MAP3K13: variants seen among roughly 807,000 people sequenced by gnomAD.
MAP3K13 encodes the protein mitogen-activated protein kinase kinase kinase 13.
MAP3K13 carries 52 observed loss-of-function variants against 104.0 expected under a neutral mutation model. That is an observed-to-expected ratio of 0.50 (90% confidence interval 0.40 to 0.63). The LOEUF is 0.63. Among genes scored for constraint, MAP3K13 ranks in the 20% least tolerant of loss-of-function variants. The pLI is 0.00. For synonymous variants in MAP3K13, 394 were observed against 442.2 expected (o/e 0.89, Z 1.37); for missense variants, 914 against 1,218.5 (o/e 0.75, Z 3.72).
At chr3:185,355,101 G>A (rs1208997748) in intron 2 of MAP3K13, among the ~76,000 whole-genome samples, 1 of 152,146 alleles carries the variant, frequency 6.6e-6, no homozygotes, top group African/African-American at 2.4e-5. Flanking sequence ...TACAAAGAAT[G>A]TCTAGGACCA....
At chr3:185,335,803 C>T (rs1401937805) in intron 2 of MAP3K13, among the ~76,000 whole-genome samples, 1 of 151,912 alleles carries the variant, frequency 6.6e-6, no homozygotes, top group East Asian at 1.9e-4. Flanking sequence ...AATTTTTTCC[C>T]CAAATATTTT....
intron 1 of MAP3K13, among the ~76,000 whole-genome samples, chr3:185,397,185 G>A (rs1179839730): frequency 1.3e-5 from 2 of 152,190 alleles, no homozygotes; most frequent in Non-Finnish European, 2.9e-5. Context: ...CCCACATTGA[G>A]CATTTCCAGT....
At chr3:185,372,729 A>G (rs1295019850) in intron 1 of MAP3K13, among the ~76,000 whole-genome samples, 1 of 152,088 alleles carries the variant, frequency 6.6e-6, no homozygotes, top group Non-Finnish European at 1.5e-5. Context: ...TCTGCTAACT[A>G]TTTAATAGGC....
At chr3:185,300,189 C>CTTTTT (rs1273008667) in intron 2 of MAP3K13, among the ~76,000 whole-genome samples, 30 of 123,398 alleles carry the variant, frequency 2.4e-4, no homozygotes, top group Non-Finnish European at 3.2e-4. Context: ...TCCTTCTTTT[C>CTTTTT]TTTTTTTTTT....
intron 1 of MAP3K13, among the ~76,000 whole-genome samples, chr3:185,284,647 G>GGAGGTTGCAGGAGCA (rs1298817465): frequency 6.6e-6 from 1 of 152,044 alleles, no homozygotes; most frequent in Admixed American, 6.6e-5. Context: ...GCCGGGAGGG[G>GGAGGTTGCAGGAGCA]GAGGTTGCAG....
At chr3:185,475,850 C>CAATA (rs976749800) in intron 11 of MAP3K13, among the ~76,000 whole-genome samples, 3 of 152,112 alleles carry the variant, frequency 2.0e-5, no homozygotes, top group Admixed American at 2.0e-4. Context: ...GACTCTGTCT[C>CAATA]AATAAATAAA....
intron 5 of MAP3K13, 29 bp downstream of exon 5, chr3:185,447,976 A>G: frequency 6.3e-7 from 1 of 1,589,728 alleles, no homozygotes; most frequent in Non-Finnish European, 8.6e-7. Context: ...TGTGCCAACT[A>G]AAAAGCCTTT....
intron 7 of MAP3K13, among the ~76,000 whole-genome samples, chr3:185,455,464 TGA>T (rs1363247453): frequency 2.6e-5 from 3 of 117,162 alleles, no homozygotes; most frequent in African/African-American, 6.7e-5. Context: ...ATCATATATA[TGA>T]GATATATACA....
intron 7 of MAP3K13, among the ~76,000 whole-genome samples, chr3:185,457,244 A>AAGGAGAGGAGAGAAC (rs1377278094): frequency 1.3e-5 from 2 of 152,222 alleles, no homozygotes; most frequent in Non-Finnish European, 2.9e-5. Flanking sequence ...TAGGAAAGAA[A>AAGGAGAGGAGAGAAC]AGGAGAGGAG....
intron 1 of MAP3K13, among the ~76,000 whole-genome samples, chr3:185,390,997 C>T (rs1712019590): frequency 6.6e-6 from 1 of 152,156 alleles, no homozygotes. Flanking sequence ...ATACCAATAG[C>T]TGCCAGTTAC....
chr3:185,324,943 AAGCTGT>A (rs1721997097), intron 2 of MAP3K13, among the ~76,000 whole-genome samples: 1 of 152,224 alleles, frequency 6.6e-6, no homozygotes, highest in Non-Finnish European at 1.5e-5. Flanking sequence ...ACAAAAATAT[AAGCTGT>A]ATGAGAATAG....
rs987159590 is a variant in MAP3K13 at position 185,441,934 on chromosome 3, G to A, written c.660-1511G>A. 3.9e-5 allele frequency among the ~76,000 whole-genome samples: 6 copies of A among 152,022 alleles called. No homozygotes were observed. The South Asian group carries it at 6.2e-4, about 16-fold the overall frequency. ...TGGGCACCTGTAGTCCCAGCTACCC[G>A]GGAGGCTGAGACAGGAGAATTGCTT... On this transcript the variant is annotated intron_variant, in intron 3 of 13. Coordinates refer to ENST00000265026, the MANE Select transcript of MAP3K13 (RefSeq NM_004721.5).
At chr3:185,460,758 G>T (rs2148912729) in intron 7 of MAP3K13, among the ~76,000 whole-genome samples, 1 of 152,298 alleles carries the variant, frequency 6.6e-6, no homozygotes, top group East Asian at 1.9e-4. Context: ...CTGTTCACAG[G>T]AGGGAACTTC....
intron 2 of MAP3K13, among the ~76,000 whole-genome samples, chr3:185,431,784 A>AT (rs761013247): frequency 3.9e-5 from 6 of 152,126 alleles, no homozygotes; most frequent in Non-Finnish European, 8.8e-5. Context: ...TCTGCAATAC[A>AT]TTCCTTAAAC....
chr3:185,299,229 G>A (rs1298162492), intron 2 of MAP3K13, among the ~76,000 whole-genome samples: 1 of 152,208 alleles, frequency 6.6e-6, no homozygotes, highest in Non-Finnish European at 1.5e-5. Context: ...AAGAGAGACA[G>A]GACACAGAAA....
At chr3:185,472,362 A>G (rs1409486976) in intron 10 of MAP3K13, among the ~76,000 whole-genome samples, 1 of 151,422 alleles carries the variant, frequency 6.6e-6, no homozygotes, top group Non-Finnish European at 1.5e-5. Context: ...ACAGGCATGC[A>G]CCACCACGCC....
At chr3:185,399,415 C>G (rs1436270334) in intron 1 of MAP3K13, among the ~76,000 whole-genome samples, 1 of 151,424 alleles carries the variant, frequency 6.6e-6, no homozygotes, top group Non-Finnish European at 1.5e-5. Flanking sequence ...CCAGCCTGGC[C>G]AACATGGTGA....
At chr3:185,454,716 G>GATATATATGATATATATGAT (rs1716249443) in intron 7 of MAP3K13, among the ~76,000 whole-genome samples, 1 of 13,284 alleles carries the variant, frequency 7.5e-5, no homozygotes, top group South Asian at 4.2e-3. Context: ...TCATATATGA[G>GATATATATGATATATATGAT]ATATATATGA....
At chr3:185,455,329 T>TGAGATATATGA (rs1174355269) in intron 7 of MAP3K13, among the ~76,000 whole-genome samples, 1 of 35,280 alleles carries the variant, frequency 2.8e-5, no homozygotes, top group African/African-American at 7.5e-5. Context: ...GAGATATATA[T>TGAGATATATGA]GATATATATG....
Sources: allele counts gnomAD v4.1 joint callset (sites outside exome capture counted in the v4.1 genomes callset), GRCh38; gene constraint gnomAD v4.1.1; transcripts MANE v1.5; gene names NCBI Gene and HGNC (gene_info 2026-07-23, HGNC 2026-07-21).